Variants in ERBB4 observed in about 807,000 individuals in gnomAD.
ERBB4 encodes erb-b2 receptor tyrosine kinase 4.
Under a neutral mutation model 158.0 loss-of-function variants are expected in ERBB4, and 42 were observed. The observed-to-expected ratio is 0.27, with a 90% CI of 0.21 to 0.34. The LOEUF is 0.34. ERBB4 is among the 10% of genes least tolerant of loss of function. The probability of loss-of-function intolerance (pLI) is 1.00; values close to 1 mark genes in which losing one functional copy is unlikely to be tolerated. For missense variants in ERBB4, 1,333 were observed against 1,624.1 expected, an observed-to-expected ratio of 0.82 and a Z score of 3.08; for synonymous variants, 583 against 558.7, an observed-to-expected ratio of 1.04 and a Z score of -0.61.
chr2:211,448,120 G>A (rs915475616), intron 20 of ERBB4, among the ~76,000 whole-genome samples: 13 of 151,864 alleles, frequency 8.6e-5, no homozygotes, highest in African/African-American at 2.9e-4. Flanking sequence ...TTACACATGC[G>A]TGCCACCACA....
intron 1 of ERBB4, among the ~76,000 whole-genome samples, chr2:212,447,262 G>C (rs2092375566): frequency 6.6e-6 from 1 of 151,996 alleles, no homozygotes; most frequent in African/African-American, 2.4e-5. Context: ...CTCCCAAAGT[G>C]CTGGGATTAC....
chr2:211,405,200 T>C (rs751714212), intron 25 of ERBB4, among the ~76,000 whole-genome samples: 2 of 152,142 alleles, frequency 1.3e-5, no homozygotes, highest in African/African-American at 4.8e-5. Flanking sequence ...TTCCGTGATA[T>C]GCTATGTTGC....
At chr2:212,012,693 G>A (rs145149645) in intron 2 of ERBB4, among the ~76,000 whole-genome samples, 5 of 152,116 alleles carry the variant, frequency 3.3e-5, no homozygotes, top group African/African-American at 9.6e-5. Context: ...GACCACAGGC[G>A]TGAGCCACCA....
intron 1 of ERBB4, among the ~76,000 whole-genome samples, chr2:212,198,612 T>C (rs1053364094): frequency 3.9e-5 from 6 of 152,178 alleles, no homozygotes; most frequent in Non-Finnish European, 1.5e-5. Flanking sequence ...TCTTGCTCTG[T>C]TGCCCAGGCT....
At chr2:212,088,422 C>CT (rs2078678459) in intron 2 of ERBB4, among the ~76,000 whole-genome samples, 2 of 152,208 alleles carry the variant, frequency 1.3e-5, no homozygotes, top group East Asian at 3.9e-4. Context: ...AATGGATTGT[C>CT]TATCACATGA....
intron 20 of ERBB4, among the ~76,000 whole-genome samples, chr2:211,526,626 A>C (rs77226488): frequency 0.12 from 18,332 of 152,200 alleles, 1,887 homozygotes; most frequent in African/African-American, 0.28. Flanking sequence ...TGGAGAAATA[A>C]AGATATCTGA....
intron 2 of ERBB4, among the ~76,000 whole-genome samples, chr2:212,082,039 A>G (rs935493413): frequency 1.3e-5 from 2 of 152,134 alleles, no homozygotes; most frequent in Non-Finnish European, 2.9e-5. Flanking sequence ...ATGAATACTT[A>G]GAATATAAAA....
At position 211,387,047 on chromosome 2, in the gene ERBB4, C is replaced by A. The variant is rs2062700251; in HGVS notation, c.3287G>T (p.Gly1096Val). 1 of 1,614,044 alleles carries A rather than the reference C, an allele frequency of 6.2e-7. No homozygotes were observed. Among genetic ancestry groups the A allele is most frequent in the African/African-American group, 1.3e-5 (1 of 75,010 alleles). The change falls in exon 27 of 28, where the codon GGT (glycine) becomes GTT (valine). Residue 1096 changes from glycine to valine, a missense_variant. Gly to Val is a moderately radical substitution (Grantham distance 109, BLOSUM62 -3). This residue lies in a region of ERBB4 where 252 missense variants were observed against 241.3 expected (regional missense o/e 1.04). Coordinates refer to ENST00000342788, the MANE Select transcript of ERBB4 (RefSeq NM_005235.3). ...STIPEAPVAQ[G>V]ATAEIFDDSC... is the part of the protein sequence containing the mutation. ...GTCATCAAAAATCTCAGCAGTAGCACCCTGTGCCACAGGAGCTTCTGGAAT... is the reference window on the plus strand; with the variant it reads ...GTCATCAAAAATCTCAGCAGTAGCAACCTGTGCCACAGGAGCTTCTGGAAT...
intron 3 of ERBB4, among the ~76,000 whole-genome samples, chr2:211,944,162 C>CACTATATATATATAT (rs2080591378): frequency 5.7e-5 from 4 of 70,300 alleles, no homozygotes; most frequent in Admixed American, 1.9e-4. Context: ...TATATATATA[C>CACTATATATATATAT]ACTATATATA....
At chr2:211,428,386 T>C (rs1218112696) in intron 22 of ERBB4, 22 bp downstream of exon 22, 5 of 1,414,454 alleles carry the variant, frequency 3.5e-6, no homozygotes, top group Admixed American at 1.7e-5. Context: ...CAAGCTTTAA[T>C]TCGCAAAGAA....
intron 20 of ERBB4, among the ~76,000 whole-genome samples, chr2:211,545,530 A>G (rs2066919630): frequency 1.3e-5 from 2 of 152,132 alleles, no homozygotes; most frequent in South Asian, 4.1e-4. Context: ...AGATGGGATA[A>G]ATCATTCATT....
rs950630 is a variant in ERBB4 at position 212,267,983 on chromosome 2, A to G, written c.83-143080T>C. ...GGGCAATCTTAATTACAATATCTAC[A>G]TATCAACAGAGTGCTATGCCCAATA... On this transcript the variant is annotated intron_variant, in intron 1 of 27. Transcript: ENST00000342788. 7.2e-5 allele frequency among the ~76,000 whole-genome samples: 11 copies of G among 152,038 alleles called. No homozygotes were observed. The South Asian group carries it at 1.7e-3, about 23-fold the overall frequency.
chr2:211,868,660 C>A (rs2078268671), intron 3 of ERBB4, among the ~76,000 whole-genome samples: 1 of 152,096 alleles, frequency 6.6e-6, no homozygotes, highest in African/African-American at 2.4e-5. Context: ...TCAAAGGAAC[C>A]CTTATTTTAT....
chr2:211,922,221 A>C (rs2079875091), intron 3 of ERBB4, among the ~76,000 whole-genome samples: 1 of 152,106 alleles, frequency 6.6e-6, no homozygotes, highest in South Asian at 2.1e-4. Context: ...AGCACAGCAA[A>C]TGCAAATGGA....
chr2:212,400,172 A>G (rs1014203671), intron 1 of ERBB4, among the ~76,000 whole-genome samples: 7 of 152,196 alleles, frequency 4.6e-5, no homozygotes, highest in Admixed American at 6.5e-5. Context: ...ACCAAGGACA[A>G]TAGGAAACCT....
At chr2:211,479,552 C>T (rs59962289) in intron 20 of ERBB4, among the ~76,000 whole-genome samples, 33,303 of 151,976 alleles carry the variant, frequency 0.22, 3,776 homozygotes, top group East Asian at 0.29. Context: ...GTCTTATGTA[C>T]GAGAAATAAA....
At chr2:211,559,953 T>G in intron 20 of ERBB4, among the ~76,000 whole-genome samples, 1 of 152,282 alleles carries the variant, frequency 6.6e-6, no homozygotes, top group Non-Finnish European at 1.5e-5. Context: ...AATAATTATT[T>G]CTGCCTCCAG....
rs1274522139 is a variant in ERBB4, at chr2:212,016,625, G to T, written c.235-69009C>A. On this transcript the variant is annotated intron_variant, in intron 2 of 27. Coordinates refer to ENST00000342788, the MANE Select transcript of ERBB4 (RefSeq NM_005235.3). ...ACTTGATTTCAACATTTGTGGAGGA[G>T]AGGGGTGGACAAATCTATATTTAAT... 1.3e-5 allele frequency among the ~76,000 whole-genome samples: 2 copies of T among 152,100 alleles called. 1 individual carries two copies. Among genetic ancestry groups the T allele is most frequent in the Non-Finnish European group, 2.9e-5 (2 of 67,998 alleles).
intron 1 of ERBB4, among the ~76,000 whole-genome samples, chr2:212,212,728 C>T (rs908891327): frequency 6.6e-6 from 1 of 151,984 alleles, no homozygotes; most frequent in South Asian, 2.1e-4. Context: ...ACATGTAGAC[C>T]AATGGAGCAG....
Sources: gnomAD v4.1 joint callset for allele counts (sites outside exome capture counted in the v4.1 genomes callset) on GRCh38, gnomAD v4.1.1 for gene constraint, gnomAD v4.1.1 regional missense constraint, MANE v1.5 for transcripts, NCBI Gene and HGNC (gene_info 2026-07-23, HGNC 2026-07-21) for gene names.